The following THSD7B variants were observed in gnomAD, a reference collection of about 807,000 sequenced individuals.
THSD7B encodes the protein thrombospondin type-1 domain-containing protein 7B.
In THSD7B, 138 loss-of-function variants were observed where a neutral mutation model predicts 213.6. That is an observed-to-expected ratio of 0.65 (90% CI 0.56 to 0.74). The LOEUF (loss-of-function observed/expected upper bound fraction) is 0.74. Ranked by LOEUF, THSD7B falls within the 30% of genes least tolerant of loss-of-function variation. The pLI is 0.00. For missense variants in THSD7B, 1,931 were observed against 1,991.5 expected (o/e 0.97, Z 0.58); for synonymous variants, 742 against 687.0 (o/e 1.08, Z -1.25).
At chr2:137,407,357 G>T (rs1307137485) in intron 13 of THSD7B, among the ~76,000 whole-genome samples, 1 of 151,810 alleles carries the variant, frequency 6.6e-6, no homozygotes, top group Admixed American at 6.6e-5. Flanking sequence ...TGTACTTTCA[G>T]GTGGCTAATT....
intron 10 of THSD7B, among the ~76,000 whole-genome samples, chr2:137,270,027 T>A (rs1201100160): frequency 1.3e-5 from 2 of 152,136 alleles, no homozygotes; most frequent in Non-Finnish European, 2.9e-5. Flanking sequence ...GGACCTGGGC[T>A]AGTGAAAGTT....
In THSD7B at chr2:137,412,614, AAAAAAAC is replaced by A. The variant is rs1686688073; in HGVS notation, c.2959+751_2959+757del. Among the ~76,000 whole-genome samples the A allele has an allele frequency of 5.4e-5, 8 of 148,634 alleles. 2 individuals are homozygous for A. The highest frequency in any genetic ancestry group is 1.7e-4 in the African/African-American group (7 of 40,952). ...CTCTGTCTCAAAAAAAAAAAAACAA[AAAAAAAC>A]AAAAAACAGTTTTACTATATAAAGT... On this transcript the variant is annotated intron_variant, in intron 14 of 27. Transcript: ENST00000409968.
intron 12 of THSD7B, among the ~76,000 whole-genome samples, chr2:137,332,513 T>G (rs563732893): frequency 2.6e-5 from 4 of 152,176 alleles, no homozygotes; most frequent in Admixed American, 6.5e-5. Context: ...ACTTAGACTT[T>G]TGGTTTAATG....
At chr2:136,819,067 C>T (rs1005510739) in intron 1 of THSD7B, among the ~76,000 whole-genome samples, 1 of 152,094 alleles carries the variant, frequency 6.6e-6, no homozygotes, top group Non-Finnish European at 1.5e-5. Context: ...GTGCTTAATA[C>T]TTTGTTTTGC....
chr2:137,399,038 G>A (rs1326326841), intron 12 of THSD7B, among the ~76,000 whole-genome samples: 6 of 151,928 alleles, frequency 3.9e-5, no homozygotes, highest in East Asian at 3.9e-4. Flanking sequence ...CACGGTGCGC[G>A]CACCCACTGA....
At chr2:137,079,728 T>A (rs892800825) in intron 3 of THSD7B, among the ~76,000 whole-genome samples, 1 of 152,242 alleles carries the variant, frequency 6.6e-6, no homozygotes, top group African/African-American at 2.4e-5. Flanking sequence ...GATATGACAA[T>A]TATCTTTGGC....
At chr2:137,452,714 C>T (rs1225854153) in intron 15 of THSD7B, among the ~76,000 whole-genome samples, 2 of 152,024 alleles carry the variant, frequency 1.3e-5, no homozygotes, top group Non-Finnish European at 2.9e-5. Flanking sequence ...ACTTTATTCT[C>T]AGTATGTGTA....
chr2:137,669,010 G>A (rs1683508715), intron 27 of THSD7B, among the ~76,000 whole-genome samples: 1 of 152,132 alleles, frequency 6.6e-6, no homozygotes, highest in East Asian at 1.9e-4. Context: ...AGGGTCAACT[G>A]TAGATTTTAA....
intron 24 of THSD7B, among the ~76,000 whole-genome samples, chr2:137,657,603 G>T (rs185452578): frequency 1.6e-3 from 249 of 152,306 alleles, no homozygotes; most frequent in African/African-American, 5.5e-3. Flanking sequence ...GTATGTTAAT[G>T]ATGCAGAAAG....
chr2:136,813,448 C>T (rs1469515), intron 1 of THSD7B, among the ~76,000 whole-genome samples: 1 of 151,914 alleles, frequency 6.6e-6, no homozygotes, highest in Non-Finnish European at 1.5e-5. Flanking sequence ...GCCTGCTCTT[C>T]GAGATGACTT....
chr2:137,245,793 G>T (rs1186314432), intron 10 of THSD7B, among the ~76,000 whole-genome samples: 2 of 152,136 alleles, frequency 1.3e-5, no homozygotes, highest in African/African-American at 2.4e-5. Flanking sequence ...TCTAGGCAGT[G>T]GATTTTGTGT....
chr2:137,291,761 A>G (rs1259347774), intron 12 of THSD7B, among the ~76,000 whole-genome samples: 1 of 152,142 alleles, frequency 6.6e-6, no homozygotes, highest in East Asian at 1.9e-4. Context: ...TAAGAATGAG[A>G]TGATGAGAAA....
At chr2:137,448,830 C>CAAAAAA (rs1361288770) in intron 14 of THSD7B, among the ~76,000 whole-genome samples, 1 of 150,970 alleles carries the variant, frequency 6.6e-6, no homozygotes, top group Admixed American at 6.6e-5. Context: ...ACAACAACAA[C>CAAAAAA]AACAACAAAA....
intron 1 of THSD7B, among the ~76,000 whole-genome samples, chr2:136,830,776 A>G (rs1253580515): frequency 6.6e-6 from 1 of 152,160 alleles, no homozygotes; most frequent in Non-Finnish European, 1.5e-5. Context: ...TCAGTTCCAT[A>G]TACAATTTGG....
chr2:137,362,440 A>T (rs528282862), intron 12 of THSD7B, among the ~76,000 whole-genome samples: 49 of 152,330 alleles, frequency 3.2e-4, no homozygotes, highest in Non-Finnish European at 4.1e-4. Flanking sequence ...CAGACTGGCA[A>T]ATTGGATAAA....
intron 12 of THSD7B, among the ~76,000 whole-genome samples, chr2:137,300,885 A>G (rs1052757508): frequency 2.0e-5 from 3 of 152,160 alleles, no homozygotes; most frequent in African/African-American, 7.2e-5. Context: ...AAGATAGGTC[A>G]GTGAGGACAG....
intron 21 of THSD7B, 24 bp downstream of exon 21, chr2:137,642,657 A>G (rs778403431): frequency 6.2e-7 from 1 of 1,611,544 alleles, no homozygotes; most frequent in East Asian, 2.2e-5. Flanking sequence ...TGACAGTTAG[A>G]GAAATATTCA....
chr2:137,461,773 C>T (rs937201239), intron 15 of THSD7B, among the ~76,000 whole-genome samples: 12 of 152,062 alleles, frequency 7.9e-5, no homozygotes, highest in Admixed American at 2.0e-4. Flanking sequence ...CAGAGACATG[C>T]TCAAATAACC....
At chr2:137,359,122 T>C (rs1391077819) in intron 12 of THSD7B, among the ~76,000 whole-genome samples, 1 of 152,212 alleles carries the variant, frequency 6.6e-6, no homozygotes, top group African/African-American at 2.4e-5. Flanking sequence ...ACATGAACCT[T>C]TGGCTTTTAG....
Sources: allele counts gnomAD v4.1 joint callset (sites outside exome capture counted in the v4.1 genomes callset), GRCh38; gene constraint gnomAD v4.1.1; transcripts MANE v1.5; gene names NCBI Gene and HGNC (gene_info 2026-07-23, HGNC 2026-07-21).